The following NEK11 variants were observed in gnomAD, a reference collection of about 807,000 sequenced individuals.
NEK11 encodes serine/threonine-protein kinase Nek11.
Under a neutral mutation model 80.7 loss-of-function variants are expected in NEK11, and 72 were observed. That is an observed-to-expected ratio of 0.89 (90% CI 0.74 to 1.08). The LOEUF is 1.08. Among genes scored for constraint, NEK11 ranks in the 50% least tolerant of loss-of-function variants. The probability of loss-of-function intolerance (pLI) is 0.00; values close to 1 mark genes in which losing one functional copy is unlikely to be tolerated. For synonymous variants in NEK11, 251 were observed against 260.7 expected, an observed-to-expected ratio of 0.96 and a Z score of 0.36; for missense variants, 764 against 763.6, an observed-to-expected ratio of 1.00 and a Z score of -0.01.
intron 14 of NEK11, among the ~76,000 whole-genome samples, chr3:131,196,690 G>A (rs964703070): frequency 6.6e-6 from 1 of 151,850 alleles, no homozygotes. Context: ...GTGCCACCAC[G>A]CTGGGCTAAT....
chr3:131,048,282 C>G (rs1173547104), intron 3 of NEK11, among the ~76,000 whole-genome samples: 1 of 152,184 alleles, frequency 6.6e-6, no homozygotes, highest in Non-Finnish European at 1.5e-5. Flanking sequence ...TCTGCACTCC[C>G]TATTCGCCCC....
At chr3:131,051,760 G>T (rs2068453493) in intron 3 of NEK11, among the ~76,000 whole-genome samples, 1 of 152,052 alleles carries the variant, frequency 6.6e-6, no homozygotes, top group African/African-American at 2.4e-5. Flanking sequence ...CAGACTCCTG[G>T]TTTCAACTGA....
At chr3:131,066,734 C>T (rs372181844) in intron 3 of NEK11, among the ~76,000 whole-genome samples, 17 of 150,866 alleles carry the variant, frequency 1.1e-4, no homozygotes, top group Non-Finnish European at 1.6e-4. Context: ...CCCAGCTACT[C>T]GGGAGGCTGA....
At chr3:131,204,088 T>C (rs1056540422) in intron 14 of NEK11, among the ~76,000 whole-genome samples, 3 of 151,962 alleles carry the variant, frequency 2.0e-5, no homozygotes, top group African/African-American at 7.3e-5. Context: ...TCCAATCACA[T>C]TTTGACACAG....
rs141345727 is a variant in NEK11 at position 131,213,662 on chromosome 3, T to C, written c.1400-14866T>C. On this transcript the variant is annotated intron_variant, in intron 14 of 17. Coordinates refer to ENST00000383366, the MANE Select transcript of NEK11 (RefSeq NM_024800.5). ...AGAAATCAGTGGTCTATTCTTTTAC[T>C]ACTCTAAGTGTGGTTTGTGGACTAG... 3.4e-3 allele frequency among the ~76,000 whole-genome samples: 514 copies of C among 152,312 alleles called. 1 individual carries two copies. The highest frequency in any genetic ancestry group is 0.012 in the African/African-American group (488 of 41,564).
At chr3:131,134,384 A>G (rs911775156) in intron 7 of NEK11, 1 of 151,154 alleles carries the variant, frequency 6.6e-6, no homozygotes, top group Non-Finnish European at 1.5e-5. Context: ...TTTACTAAAG[A>G]TATTGGCTTT....
intron 3 of NEK11, among the ~76,000 whole-genome samples, chr3:131,040,878 T>C (rs2066375412): frequency 6.6e-6 from 1 of 152,220 alleles, no homozygotes; most frequent in Non-Finnish European, 1.5e-5. Context: ...GCATTTTAAT[T>C]AAAGTTTGGT....
chr3:131,145,361 A>C (rs1438192743), intron 7 of NEK11, among the ~76,000 whole-genome samples: 1 of 152,116 alleles, frequency 6.6e-6, no homozygotes, highest in African/African-American at 2.4e-5. Context: ...TATCTCCATC[A>C]AACCAGAAAG....
At chr3:131,037,810 A>G (rs181141549) in intron 3 of NEK11, among the ~76,000 whole-genome samples, 1 of 152,204 alleles carries the variant, frequency 6.6e-6, no homozygotes, top group Non-Finnish European at 1.5e-5. Flanking sequence ...TAAACAAAAC[A>G]TCAATAGATT....
At chr3:131,031,076 T>C (rs2064767732) in intron 3 of NEK11, among the ~76,000 whole-genome samples, 1 of 152,238 alleles carries the variant, frequency 6.6e-6, no homozygotes, top group South Asian at 2.1e-4. Flanking sequence ...GGATTTAAAA[T>C]CAGTGTGATA....
chr3:131,152,202 GT>G (rs372446615), intron 7 of NEK11, among the ~76,000 whole-genome samples, 185 bp from the exon 8 acceptor site: 9 of 145,590 alleles, frequency 6.2e-5, no homozygotes, highest in Admixed American at 3.4e-4. Context: ...CACTTTTTTG[GT>G]TTTTTTTTTG....
chr3:131,037,179 G>A (rs1256365929), intron 3 of NEK11, among the ~76,000 whole-genome samples: 1 of 152,066 alleles, frequency 6.6e-6, no homozygotes, highest in Non-Finnish European at 1.5e-5. Flanking sequence ...AGGAATGCAA[G>A]CTTCGGTCAC....
intron 14 of NEK11, among the ~76,000 whole-genome samples, chr3:131,225,139 A>ACAGATGT (rs2095152923): frequency 6.6e-6 from 1 of 152,214 alleles, no homozygotes; most frequent in East Asian, 1.9e-4. Flanking sequence ...TCATGGTAAC[A>ACAGATGT]GCCCTGTACA....
In NEK11 at chr3:131,051,261, C is replaced by CA. The variant is rs1360187522; in HGVS notation, c.170+21384dup. ...CCCAACCAGTTGGCTTTCCGTTGGACACTCTGGCACTGAGGAGTGCACATA... is the reference window on the plus strand; with the variant it reads ...CCCAACCAGTTGGCTTTCCGTTGGACAACTCTGGCACTGAGGAGTGCACATA... On this transcript the variant is annotated intron_variant, in intron 3 of 17. Coordinates refer to ENST00000383366, the MANE Select transcript of NEK11 (RefSeq NM_024800.5). 2.6e-5 allele frequency among the ~76,000 whole-genome samples: 4 copies of CA among 152,302 alleles called. No individual in the cohort carries two copies. In the South Asian group the frequency reaches 6.2e-4, roughly 24 times the overall value.
At chr3:131,213,860 C>T (rs1490817976) in intron 14 of NEK11, among the ~76,000 whole-genome samples, 2 of 152,268 alleles carry the variant, frequency 1.3e-5, no homozygotes, top group Admixed American at 6.5e-5. Flanking sequence ...AAACCCTAAT[C>T]CCCAGTGGGA....
In NEK11 at chr3:131,155,064, C is replaced by T. The variant is rs776091091; in HGVS notation, c.905C>T (p.Thr302Ile). The T allele has an allele frequency of 5.0e-5, 80 of 1,611,206 alleles. No homozygotes were observed. The highest frequency in any genetic ancestry group is 6.5e-5 in the Non-Finnish European group (77 of 1,177,414). Residue 302 changes from threonine to isoleucine, a missense_variant, in exon 10 of 18, where the codon ACT becomes ATT. By Grantham distance (89) the Thr-to-Ile change is moderately conservative. Transcript: ENST00000383366. ...CTAATGTGTAGATATTCAGAAATGA[C>T]TCTGGAAGACAAAAATTTGGATTGT... ...QNLMCRYSEM[T>I]LEDKNLDCQK...
intron 15 of NEK11, among the ~76,000 whole-genome samples, chr3:131,237,987 A>T (rs1469340182): frequency 1.3e-5 from 2 of 152,046 alleles, no homozygotes; most frequent in African/African-American, 2.4e-5. Flanking sequence ...GTACTTCATC[A>T]TCATCACCTC....
chr3:131,120,716 A>G (rs1482172392), intron 5 of NEK11, among the ~76,000 whole-genome samples: 1 of 151,858 alleles, frequency 6.6e-6, no homozygotes, highest in Non-Finnish European at 1.5e-5. Context: ...TTCTCGCTTC[A>G]TTTCATTCAT....
At chr3:131,205,142 G>A (rs1386081499) in intron 14 of NEK11, among the ~76,000 whole-genome samples, 1 of 152,184 alleles carries the variant, frequency 6.6e-6, no homozygotes, top group Non-Finnish European at 1.5e-5. Context: ...TGGGCTTGGT[G>A]CAAAGTGAAC....
Sources: allele counts gnomAD v4.1 joint callset (sites outside exome capture counted in the v4.1 genomes callset), GRCh38; gene constraint gnomAD v4.1.1; transcripts MANE v1.5; gene names NCBI Gene and HGNC (gene_info 2026-07-23, HGNC 2026-07-21).